The following TMEM132D variants were observed in gnomAD, a reference collection of about 807,000 sequenced individuals.
The protein encoded by TMEM132D is mature OL transmembrane protein.
TMEM132D carries 21 observed loss-of-function variants against 62.3 expected under a neutral mutation model. The observed-to-expected ratio is 0.34, with a 90% CI of 0.24 to 0.49. TMEM132D has a LOEUF of 0.49. Ranked by LOEUF, TMEM132D falls within the 20% of genes least tolerant of loss-of-function variation. The probability of loss-of-function intolerance (pLI) is 0.99; values close to 1 mark genes in which losing one functional copy is unlikely to be tolerated. For synonymous variants in TMEM132D, 621 were observed against 575.6 expected (o/e 1.08, Z -1.13); for missense variants, 1,346 against 1,402.8 (o/e 0.96, Z 0.65).
chr12:129,246,471 G>C (rs1331546972), intron 4 of TMEM132D, among the ~76,000 whole-genome samples: 1 of 152,112 alleles, frequency 6.6e-6, no homozygotes, highest in Middle Eastern at 3.2e-3. Context: ...GTGTGCACCT[G>C]GGGGCTGGAC....
chr12:129,789,029 T>A (rs938733144), intron 1 of TMEM132D, among the ~76,000 whole-genome samples: 1 of 152,238 alleles, frequency 6.6e-6, no homozygotes, highest in Non-Finnish European at 1.5e-5. Flanking sequence ...ACCCCGTGGT[T>A]GCAAATCACG....
At chr12:129,649,486 C>T (rs1879866723) in intron 2 of TMEM132D, among the ~76,000 whole-genome samples, 1 of 152,098 alleles carries the variant, frequency 6.6e-6, no homozygotes, top group South Asian at 2.1e-4. Flanking sequence ...TGATACTCCC[C>T]ACCACTCTAC....
intron 1 of TMEM132D, among the ~76,000 whole-genome samples, chr12:129,715,560 TTCTA>T (rs1868540187): frequency 6.6e-6 from 1 of 152,142 alleles, no homozygotes; most frequent in East Asian, 1.9e-4. Context: ...TGCAAATCAT[TTCTA>T]TCTGGTACAG....
Position 129,700,678 on chromosome 12 carries a change from G to A in TMEM132D, c.100C>T (p.Leu34Phe). 1.2e-6 allele frequency: 2 copies of A among 1,611,830 alleles called. No individual in the cohort carries two copies. Among genetic ancestry groups the A allele is most frequent in the Non-Finnish European group, 1.7e-6 (2 of 1,179,122 alleles). Residue 34 changes from leucine (L) to phenylalanine (F), a missense_variant, in exon 2 of 9, where the codon CTT (leucine) becomes TTT (phenylalanine). Transcript: ENST00000422113. ...FSKVTEGRGI[L>F]ESIQRFSLLP... The stretch of plus-strand genomic sequence containing the variant: ...AAGGAAAACCTCTGGATGCTCTCAA[G>A]GATCCCTCGACCTTCCGTCACTGTG...
chr12:129,091,767 C>G (rs913569133), intron 5 of TMEM132D, among the ~76,000 whole-genome samples: 2 of 152,182 alleles, frequency 1.3e-5, no homozygotes, highest in African/African-American at 2.4e-5. Flanking sequence ...CAAGCCTAGT[C>G]CCCCATGAGT....
chr12:129,134,126 GTGTGTGTCTGTGTGTGTGTGTC>G lies in TMEM132D; in HGVS notation c.1444-49446_1444-49425del, dbSNP rs1876473868. 2.1e-5 allele frequency among the ~76,000 whole-genome samples: 3 copies of G among 142,076 alleles called. No individual in the cohort carries two copies. The East Asian group carries it at 6.4e-4, about 30-fold the overall frequency. The allele number at this position is 142,076 out of a possible 152,430, so 93.2% of individuals were successfully genotyped here. A position where few individuals can be genotyped will look rare whatever the true frequency, so the allele number is the denominator to read the frequency against. ...TTGTGTGTCTGTGTGTTGTGTGTGT[GTGTGTGTCTGTGTGTGTGTGTC>G]TGTGTCTGTGTGTGTGTCTGTGTGT... On this transcript the variant is annotated intron_variant, in intron 5 of 8. Transcript: ENST00000422113.
At chr12:129,542,799 C>T (rs1876619358) in intron 2 of TMEM132D, among the ~76,000 whole-genome samples, 1 of 152,000 alleles carries the variant, frequency 6.6e-6, no homozygotes, top group South Asian at 2.1e-4. Flanking sequence ...AACAATGGTC[C>T]CATAAGATTA....
chr12:129,749,283 G>T (rs1412610637), intron 1 of TMEM132D, among the ~76,000 whole-genome samples: 1 of 152,136 alleles, frequency 6.6e-6, no homozygotes, highest in Non-Finnish European at 1.5e-5. Flanking sequence ...CAGCTCTAGA[G>T]CCTCCTCGCT....
At chr12:129,623,610 T>C (rs1879128224) in intron 2 of TMEM132D, among the ~76,000 whole-genome samples, 2 of 151,498 alleles carry the variant, frequency 1.3e-5, no homozygotes, top group East Asian at 3.9e-4. Context: ...CATTACTTTT[T>C]TATGGCTGAG....
chr12:129,463,004 AC>A (rs1342859128), intron 3 of TMEM132D, among the ~76,000 whole-genome samples: 1 of 152,168 alleles, frequency 6.6e-6, no homozygotes, highest in Admixed American at 6.5e-5. Context: ...TTTCAAACTG[AC>A]CCTAACATTT....
chr12:129,304,644 T>C (rs1186554469), intron 4 of TMEM132D, among the ~76,000 whole-genome samples: 1 of 144,066 alleles, frequency 6.9e-6, no homozygotes, highest in Non-Finnish European at 1.5e-5. Context: ...CACCCCTAAA[T>C]ACCAAACATA....
chr12:129,770,377 C>T (rs749691489), intron 1 of TMEM132D, among the ~76,000 whole-genome samples: 5 of 152,048 alleles, frequency 3.3e-5, no homozygotes, highest in East Asian at 1.9e-4. Flanking sequence ...CTCCTGGCCT[C>T]GTGATCTGCC....
chr12:129,437,751 A>G (rs1349492648), intron 3 of TMEM132D, among the ~76,000 whole-genome samples: 1 of 149,752 alleles, frequency 6.7e-6, no homozygotes, highest in Admixed American at 6.6e-5. Flanking sequence ...TTCTTTTTTT[A>G]AATTATACCT....
chr12:129,428,468 CAT>C (rs1216150535), intron 3 of TMEM132D, among the ~76,000 whole-genome samples: 1 of 152,210 alleles, frequency 6.6e-6, no homozygotes, highest in African/African-American at 2.4e-5. Context: ...TAATGTGACA[CAT>C]GTTAAAGAAT....
chr12:129,764,289 G>A (rs890888940), intron 1 of TMEM132D, among the ~76,000 whole-genome samples: 1 of 152,058 alleles, frequency 6.6e-6, no homozygotes, highest in Admixed American at 6.6e-5. Flanking sequence ...GCATAGGAAA[G>A]GAAGAAGGAA....
At chr12:129,112,509 A>G (rs1875750473) in intron 5 of TMEM132D, among the ~76,000 whole-genome samples, 1 of 152,192 alleles carries the variant, frequency 6.6e-6, no homozygotes, top group Non-Finnish European at 1.5e-5. Context: ...TAAAAATATA[A>G]AAAATTAGCC....
intron 3 of TMEM132D, among the ~76,000 whole-genome samples, chr12:129,402,746 T>C (rs1314179127): frequency 3.3e-5 from 5 of 152,050 alleles, no homozygotes; most frequent in African/African-American, 1.2e-4. Context: ...TTCTCACTGA[T>C]GGTGATGTCA....
chr12:129,596,337 T>C (rs1878336479), intron 2 of TMEM132D, among the ~76,000 whole-genome samples: 1 of 152,208 alleles, frequency 6.6e-6, no homozygotes, highest in Non-Finnish European at 1.5e-5. Context: ...ACGATGTTCT[T>C]CTTCTTTTCC....
rs1282664551 is a variant in TMEM132D at position 129,250,442 on chromosome 12, AT to A, written c.1300-40780del. 3.9e-5 allele frequency among the ~76,000 whole-genome samples: 6 copies of A among 152,260 alleles called. No homozygotes were observed. In the East Asian group the frequency reaches 1.2e-3, roughly 29 times the overall value. On this transcript the variant is annotated intron_variant, in intron 4 of 8. Transcript: ENST00000422113. ...GTAAAACAATTTATTATTCGTGTAA[AT>A]TGCGTGGAGACCAGCACTCACTTCA...
Sources: gnomAD v4.1 joint callset for allele counts (sites outside exome capture counted in the v4.1 genomes callset) on GRCh38, gnomAD v4.1.1 for gene constraint, MANE v1.5 for transcripts, NCBI Gene and HGNC (gene_info 2026-07-23, HGNC 2026-07-21) for gene names.